Variants in CSMD3 observed in about 807,000 individuals in gnomAD.
The protein encoded by CSMD3 is CUB and Sushi multiple domains 3, also known as CUB and sushi domain-containing protein 3.
CSMD3 carries 177 observed loss-of-function variants against 435.2 expected under a neutral mutation model. That is an observed-to-expected ratio of 0.41 (90% CI 0.36 to 0.46). CSMD3 has a LOEUF of 0.46. Among genes scored for constraint, CSMD3 ranks in the 20% least tolerant of loss-of-function variants. The pLI is 0.34. For missense variants in CSMD3, 4,265 were observed against 4,504.6 expected, an observed-to-expected ratio of 0.95 and a Z score of 1.52; for synonymous variants, 1,656 against 1,520.5, an observed-to-expected ratio of 1.09 and a Z score of -2.07.
intron 3 of CSMD3, among the ~76,000 whole-genome samples, chr8:113,176,959 A>G (rs1051254978): frequency 2.0e-5 from 3 of 151,894 alleles, no homozygotes; most frequent in African/African-American, 7.2e-5. Flanking sequence ...CATGTTCAAT[A>G]TATCAAAATA....
At chr8:112,947,731 T>C (rs1218062841) in intron 9 of CSMD3, 59 bp downstream of exon 9, 2 of 788,088 alleles carry the variant, frequency 2.5e-6, no homozygotes, top group Non-Finnish European at 4.4e-6. Context: ...ACTTTAAAGA[T>C]TTAAATTAAA....
chr8:112,620,633 T>G (rs1833995404), intron 22 of CSMD3, among the ~76,000 whole-genome samples: 1 of 152,134 alleles, frequency 6.6e-6, no homozygotes, highest in Non-Finnish European at 1.5e-5. Context: ...ATTAATCAAC[T>G]GACCACCAAC....
rs758135292 is a variant in CSMD3 at position 112,573,585 on chromosome 8, G to A, written c.3958C>T (p.Leu1320Phe). 33 of 1,613,072 alleles carry A rather than the reference G, an allele frequency of 2.0e-5. No individual in the cohort carries two copies. Among genetic ancestry groups the A allele is most frequent in the Non-Finnish European group, 2.7e-5 (32 of 1,179,324 alleles). Residue 1320 changes from leucine (L) to phenylalanine (F), a missense_variant, in exon 24 of 71, where the codon CTT (leucine) becomes TTT (phenylalanine). By Grantham distance (22) the Leu-to-Phe change is conservative. Around this residue, in one of 3 missense-constraint regions of CSMD3, gnomAD observed 3,255 missense variants for 3,380.2 expected, o/e 0.96. Transcript: ENST00000297405. ...FTGASMRGLT[L>F]SSTSNQLWLE... ...CAGAGTTGATTTGAAGTACTACTAA[G>A]TGTCAGTCCGCGCATAGATGCACCA...
At chr8:112,705,546 G>A (rs190042050) in intron 13 of CSMD3, among the ~76,000 whole-genome samples, 57 of 151,774 alleles carry the variant, frequency 3.8e-4, no homozygotes, top group Admixed American at 1.5e-3. Flanking sequence ...TTTTTCTCCC[G>A]TTAATCTGAC....
intron 3 of CSMD3, among the ~76,000 whole-genome samples, chr8:113,193,393 G>C (rs2092612204): frequency 6.6e-6 from 1 of 151,232 alleles, no homozygotes; most frequent in Non-Finnish European, 1.5e-5. Context: ...TCTTTTAGAG[G>C]TTCTTAATGC....
intron 22 of CSMD3, among the ~76,000 whole-genome samples, chr8:112,628,092 A>G (rs1834637991): frequency 6.6e-6 from 1 of 152,166 alleles, no homozygotes; most frequent in African/African-American, 2.4e-5. Context: ...ACAGTCCACA[A>G]TCTAATTTCA....
Position 112,685,502 on chromosome 8 carries a change from C to T in CSMD3, c.2386G>A (p.Val796Met), listed in dbSNP as rs1393134438. 6.2e-7 allele frequency: 1 copy of T among 1,613,894 alleles called. No homozygotes were observed. Among genetic ancestry groups the T allele is most frequent in the Non-Finnish European group, 8.5e-7 (1 of 1,179,968 alleles). The change falls in exon 15 of 71, where the codon GTG becomes ATG. Residue 796 changes from valine to methionine, a missense_variant. Physicochemically the swap from Val to Met is conservative, Grantham distance 21. Coordinates refer to ENST00000297405, the MANE Select transcript of CSMD3 (RefSeq NM_198123.2). ...CTATTACTAGTAAGATGGGAAGGCA[C>T]CTCAGCCCCAGTAAAGGTTCCAAGA... ...PILGTFTGAE[V>M]PSHLTSNSHI...
intron 18 of CSMD3, among the ~76,000 whole-genome samples, chr8:112,651,238 C>T (rs1245342589): frequency 6.6e-6 from 1 of 151,956 alleles, no homozygotes; most frequent in African/African-American, 2.4e-5. Context: ...CAAAATTAGT[C>T]GTTAACATTT....
intron 13 of CSMD3, among the ~76,000 whole-genome samples, chr8:112,785,917 G>GA (rs2078525816): frequency 6.6e-6 from 1 of 151,896 alleles, no homozygotes; most frequent in Non-Finnish European, 1.5e-5. Context: ...CACAGAAAAA[G>GA]AAAAAATAAT....
intron 4 of CSMD3, among the ~76,000 whole-genome samples, chr8:113,146,068 C>T (rs888886833): frequency 6.6e-6 from 1 of 151,134 alleles, no homozygotes; most frequent in African/African-American, 2.4e-5. Flanking sequence ...TGAAACATAG[C>T]ATAAAATGTA....
intron 22 of CSMD3, 133 bp downstream of exon 22, chr8:112,636,684 G>GA (rs957145210): frequency 2.5e-6 from 2 of 792,454 alleles, no homozygotes; most frequent in African/African-American, 1.7e-5. Flanking sequence ...TTGCCAAATA[G>GA]AAAAAAAGTT....
intron 3 of CSMD3, among the ~76,000 whole-genome samples, chr8:113,269,587 G>T (rs567933432): frequency 6.6e-6 from 1 of 152,042 alleles, no homozygotes; most frequent in African/African-American, 2.4e-5. Context: ...AACCAAAACA[G>T]CATGGTACTG....
chr8:113,021,004 C>A (rs1564217533), intron 5 of CSMD3, among the ~76,000 whole-genome samples: 1 of 152,092 alleles, frequency 6.6e-6, no homozygotes, highest in Non-Finnish European at 1.5e-5. Flanking sequence ...GTAAAATCAC[C>A]TTTATTGTAT....
At chr8:112,549,041 G>T (rs1453569378) in intron 27 of CSMD3, among the ~76,000 whole-genome samples, 1 of 152,002 alleles carries the variant, frequency 6.6e-6, no homozygotes, top group Non-Finnish European at 1.5e-5. Context: ...ACCAGATAAG[G>T]TTGAGTGTAA....
chr8:112,372,372 T>C (rs1187268650), intron 38 of CSMD3, among the ~76,000 whole-genome samples: 1 of 152,164 alleles, frequency 6.6e-6, no homozygotes, highest in Non-Finnish European at 1.5e-5. Context: ...AAGGTAATGA[T>C]ATGAAATGAC....
At chr8:113,007,877 C>T (rs190748632) in intron 6 of CSMD3, among the ~76,000 whole-genome samples, 24 of 151,764 alleles carry the variant, frequency 1.6e-4, no homozygotes, top group African/African-American at 4.3e-4. Context: ...ATGGGGAAAA[C>T]GTAATATAAT....
chr8:113,331,043 T>C (rs67965044), intron 1 of CSMD3, among the ~76,000 whole-genome samples: 15,784 of 151,414 alleles, frequency 0.1, 960 homozygotes, highest in Middle Eastern at 0.17. Flanking sequence ...TTTGAAAAGA[T>C]CAGCAAATTG....
At chr8:113,295,030 T>G (rs933755892) in intron 2 of CSMD3, among the ~76,000 whole-genome samples, 2 of 152,150 alleles carry the variant, frequency 1.3e-5, no homozygotes, top group Non-Finnish European at 2.9e-5. Flanking sequence ...TATTTTTATT[T>G]TCATTTTATT....
chr8:112,303,715 T>G (rs1375354171), intron 52 of CSMD3, among the ~76,000 whole-genome samples: 3 of 152,100 alleles, frequency 2.0e-5, no homozygotes, highest in African/African-American at 7.2e-5. Context: ...TATACTGATA[T>G]AGAGATTCAA....
Sources: allele counts gnomAD v4.1 joint callset (sites outside exome capture counted in the v4.1 genomes callset), GRCh38; gene constraint gnomAD v4.1.1; regional missense constraint gnomAD v4.1.1; transcripts MANE v1.5; gene names NCBI Gene and HGNC (gene_info 2026-07-23, HGNC 2026-07-21).